The following PRAMEF11 variants were observed in gnomAD, a reference collection of about 807,000 sequenced individuals.
PRAMEF11 encodes the protein PRAME family member 11.
PRAMEF11 carries 17 observed loss-of-function variants against 33.6 expected under a neutral mutation model. The observed-to-expected ratio is 0.51, with a 90% CI of 0.35 to 0.76. The LOEUF (loss-of-function observed/expected upper bound fraction) is 0.76, where lower values mean the gene tolerates loss of function less well. PRAMEF11 is among the 30% of genes least tolerant of loss of function. The pLI, the probability that PRAMEF11 is intolerant of heterozygous loss-of-function variation, is 0.01. For missense variants in PRAMEF11, 568 were observed against 567.0 expected, an observed-to-expected ratio of 1.00 and a Z score of -0.02; for synonymous variants, 205 against 227.3, an observed-to-expected ratio of 0.90 and a Z score of 0.88.
In PRAMEF11 at chr1:12,828,470, C is replaced by G. The variant is rs549074629; in HGVS notation, c.293+27G>C. The G allele has an allele frequency of 3.9e-5, 62 of 1,588,858 alleles. No individual in the cohort carries two copies. In the African/African-American group the frequency reaches 7.2e-4, roughly 19 times the overall value. ...CCTTCAGTTGGACACCTGGGCCCTC[C>G]CCACCAGCCCACCTGGGCCACCTCA... On this transcript the variant is annotated intron_variant, in intron 2 of 3. Coordinates refer to ENST00000619922, the MANE Select transcript of PRAMEF11 (RefSeq NM_001146344.3).
rs539480343 is a variant in PRAMEF11, at chr1:12,830,355, T to C, written c.-17+1001A>G. 9.3e-5 allele frequency among the ~76,000 whole-genome samples: 14 copies of C among 151,306 alleles called. 1 individual carries two copies. In the East Asian group the frequency reaches 2.8e-3, roughly 30 times the overall value. ...CAGGCTAGAGTGCAGTGGTGTCATA[T>C]CGGCTCACTGTTACCTCGGCCTCCA... On this transcript the variant is annotated intron_variant, in intron 1 of 3. Coordinates refer to ENST00000619922, the MANE Select transcript of PRAMEF11 (RefSeq NM_001146344.3).
At chr1:12,825,965 C>G (rs1639856090) in intron 3 of PRAMEF11, among the ~76,000 whole-genome samples, 1 of 132,650 alleles carries the variant, frequency 7.5e-6, no homozygotes, top group African/African-American at 2.9e-5. Flanking sequence ...CAGAGTGATA[C>G]TCTATTAAAA....
chr1:12,830,638 C>A (rs11121993), intron 1 of PRAMEF11, among the ~76,000 whole-genome samples: 49,521 of 146,926 alleles, frequency 0.34, 9,984 homozygotes, highest in East Asian at 0.51. Flanking sequence ...CCCACACCAG[C>A]CACCCAAATA....
intron 1 of PRAMEF11, among the ~76,000 whole-genome samples, chr1:12,829,129 C>G (rs542466868): frequency 4.0e-5 from 6 of 150,740 alleles, no homozygotes; most frequent in Non-Finnish European, 8.9e-5. Flanking sequence ...ACTTAAGGTT[C>G]TAAAACAATG....
In PRAMEF11 at chr1:12,827,183, C is replaced by A. The variant is rs191143266; in HGVS notation, c.875+66G>T. 23 of 1,530,120 alleles carry A rather than the reference C, an allele frequency of 1.5e-5. No homozygotes were observed. The African/African-American group carries it at 3.0e-4, about 20-fold the overall frequency. The allele number at this position is 1,530,120 out of a possible 1,614,324, so 94.8% of individuals were successfully genotyped here. A position where few individuals can be genotyped will look rare whatever the true frequency, so the allele number is the denominator to read the frequency against. ...CTCATAGGCTGGCTCACAGTAGATG[C>A]CCACTAGTGTTCACTGTAACAGGCT... On this transcript the variant is annotated intron_variant, in intron 3 of 3. Transcript: ENST00000619922.
At chr1:12,825,728 C>G (rs971144357) in intron 3 of PRAMEF11, among the ~76,000 whole-genome samples, 2 of 148,796 alleles carry the variant, frequency 1.3e-5, no homozygotes, top group Admixed American at 1.4e-4. Context: ...AATCCCAGCA[C>G]TTTGGGAGGC....
At chr1:12,826,165 A>T (rs943819550) in intron 3 of PRAMEF11, among the ~76,000 whole-genome samples, 4 of 150,990 alleles carry the variant, frequency 2.6e-5, no homozygotes, top group African/African-American at 9.7e-5. Context: ...GGATCCTGCA[A>T]CATCAGCTGG....
Position 12,824,797 on chromosome 1 carries a change from T to A in PRAMEF11, c.*145A>T. Reference sequence around the variant, plus strand: ...ATTTCCCCCAAGTCCTGCCCCTGCTTGATCAGCTTTCCTTTCCCACTTTCA... The same window carrying A: ...ATTTCCCCCAAGTCCTGCCCCTGCTAGATCAGCTTTCCTTTCCCACTTTCA... On this transcript the variant is annotated 3_prime_UTR_variant, in exon 4 of 4. Coordinates refer to ENST00000619922, the MANE Select transcript of PRAMEF11 (RefSeq NM_001146344.3). 1 of 1,320,032 alleles carries A rather than the reference T, an allele frequency of 7.6e-7. No individual in the cohort carries two copies. Among genetic ancestry groups the A allele is most frequent in the Non-Finnish European group, 1.0e-6 (1 of 956,864 alleles). The allele number at this position is 1,320,032 out of a possible 1,614,324, so 81.8% of individuals were successfully genotyped here.
intron 2 of PRAMEF11, among the ~76,000 whole-genome samples, 156 bp from the exon 3 acceptor site, chr1:12,827,986 T>G (rs1254178222): frequency 2.5e-5 from 3 of 122,366 alleles, no homozygotes; most frequent in Admixed American, 8.2e-5. Flanking sequence ...CACTTCCACA[T>G]TTTTTTGTTT....
chr1:12,826,378 CA>C lies in PRAMEF11; in HGVS notation c.875+870del, dbSNP rs1409222099. Among the ~76,000 whole-genome samples, 5 of 151,192 alleles carry C rather than the reference CA, an allele frequency of 3.3e-5. 1 individual carries two copies. Among genetic ancestry groups the C allele is most frequent in the African/African-American group, 1.2e-4 (5 of 41,272 alleles). On this transcript the variant is annotated intron_variant, in intron 3 of 3. Transcript: ENST00000619922. ...TTCATGTTCACCAAACTGTGGGGCA[CA>C]AAGCTGATTTTCTGACATGTGCAGG...
At chr1:12,830,305 G>A (rs1639978356) in intron 1 of PRAMEF11, among the ~76,000 whole-genome samples, 2 of 151,132 alleles carry the variant, frequency 1.3e-5, no homozygotes, top group African/African-American at 4.8e-5. Flanking sequence ...TTGGTGTTGA[G>A]GGAGCTGAAT....
chr1:12,824,657 G>T lies in PRAMEF11; in HGVS notation c.*285C>A, dbSNP rs1235328277. ...TGATTGTTTCTTTACAACCATCCATGCAAGAGTAACTCCCTCATGTATTCT... is the reference window on the plus strand; with the variant it reads ...TGATTGTTTCTTTACAACCATCCATTCAAGAGTAACTCCCTCATGTATTCT... On this transcript the variant is annotated 3_prime_UTR_variant, in exon 4 of 4. Transcript: ENST00000619922. 2.3e-6 allele frequency: 1 copy of T among 433,854 alleles called. No homozygotes were observed. Among genetic ancestry groups the T allele is most frequent in the South Asian group, 2.7e-5 (1 of 36,978 alleles). 26.9% of individuals were successfully genotyped at this position (433,854 alleles called of 1,614,324 possible).
At position 12,828,876 on chromosome 1, in the gene PRAMEF11, G is replaced by T. The variant is rs1355123436; in HGVS notation, c.-16-71C>A. ...GCCCATGCAATCTCATCTTCTCCCA[G>T]GGCCAAAGTCACTGCTCTGGCAATG... is the stretch of plus-strand genomic sequence containing the variant. On this transcript the variant is annotated intron_variant, in intron 1 of 3. Transcript: ENST00000619922. 1.8e-4 allele frequency: 281 copies of T among 1,595,564 alleles called. 5 individuals carry two copies. In the South Asian group the frequency reaches 3.0e-3, roughly 17 times the overall value.
intron 2 of PRAMEF11, 71 bp downstream of exon 2, chr1:12,828,426 T>C (rs1355118191): frequency 2.0e-6 from 3 of 1,513,202 alleles, no homozygotes; most frequent in Non-Finnish European, 2.7e-6. Flanking sequence ...GCCTCCTCAC[T>C]TCACATGACC....
At position 12,827,779 on chromosome 1, in the gene PRAMEF11, C is replaced by A. The variant is rs756366383; in HGVS notation, c.345G>T (p.Trp115Cys). The A allele has an allele frequency of 2.5e-6, 4 of 1,608,878 alleles. No homozygotes were observed. The highest frequency in any genetic ancestry group is 2.7e-5 in the African/African-American group (2 of 74,708). The change falls in exon 3 of 4, where the codon TGG (tryptophan) becomes TGT (cysteine). Residue 115 changes from tryptophan (W) to cysteine (C), a missense_variant. Transcript: ENST00000619922. ...GGGCCATAGCTTCAGACCAAACCAT[C>A]CAGAAGTTCTCACAGACATCCTGTA... ...LDLQDVCENF[W>C]MVWSEAMAHG...
rs1291572828 is a variant in PRAMEF11 at position 12,824,999 on chromosome 1, G to A, written c.1380C>T (p.Cys460=). Residue 460 remains cysteine (C), a synonymous_variant, in exon 4 of 4, where the codon TGC becomes TGT. Transcript: ENST00000619922. ...AAAATGACCTGTCGCCATGGTCAGG[G>A]CAGTTGTCAGTACAGAACAAGATCC... ...PKRILFCTDN[C]PDHGDRSFYD... is the part of the protein sequence containing the mutation. The A allele has an allele frequency of 2.4e-5, 38 of 1,609,680 alleles. 1 individual carries two copies. Among genetic ancestry groups the A allele is most frequent in the Non-Finnish European group, 3.0e-5 (35 of 1,177,768 alleles).
At chr1:12,830,336 A>G (rs144495484) in intron 1 of PRAMEF11, among the ~76,000 whole-genome samples, 2 of 151,180 alleles carry the variant, frequency 1.3e-5, no homozygotes, top group Non-Finnish European at 3.0e-5. Flanking sequence ...CGGCCAGGCT[A>G]GAGTGCAGTG....
chr1:12,825,013 A>T lies in PRAMEF11; in HGVS notation c.1366T>A (p.Cys456Ser), dbSNP rs4026356. ...HLRHPKRILF[C>S]TDNCPDHGDR... ...CCATGGTCAGGGCAGTTGTCAGTAC[A>T]GAACAAGATCCTCTTGGGGTGCCTT... Residue 456 changes from cysteine (C) to serine (S), a missense_variant, in exon 4 of 4, where the codon TGT (cysteine) becomes AGT (serine). Cys to Ser is a moderately radical substitution (Grantham distance 112). Coordinates refer to ENST00000619922, the MANE Select transcript of PRAMEF11 (RefSeq NM_001146344.3). 1.9e-6 allele frequency: 3 copies of T among 1,609,092 alleles called. No homozygotes were observed. Among genetic ancestry groups the T allele is most frequent in the Non-Finnish European group, 2.5e-6 (3 of 1,177,762 alleles).
chr1:12,830,677 C>T (rs1185520602), intron 1 of PRAMEF11, among the ~76,000 whole-genome samples: 1 of 149,950 alleles, frequency 6.7e-6, no homozygotes, highest in Non-Finnish European at 1.5e-5. Context: ...TGTCACCATG[C>T]TCGGCTAATT....
Sources: allele counts gnomAD v4.1 joint callset (sites outside exome capture counted in the v4.1 genomes callset), GRCh38; gene constraint gnomAD v4.1.1; transcripts MANE v1.5; gene names NCBI Gene and HGNC (gene_info 2026-07-23, HGNC 2026-07-21).